PRKCE: variants seen among roughly 807,000 people sequenced by gnomAD.
PRKCE encodes protein kinase C epsilon.
PRKCE carries 16 observed loss-of-function variants against 85.4 expected under a neutral mutation model. That is an observed-to-expected ratio of 0.19 (90% CI 0.13 to 0.28). PRKCE has a LOEUF of 0.28. PRKCE is among the 10% of genes least tolerant of loss of function. The probability of loss-of-function intolerance (pLI) is 1.00; values close to 1 mark genes in which losing one functional copy is unlikely to be tolerated. For missense variants in PRKCE, 573 were observed against 975.2 expected (o/e 0.59, Z 5.49); for synonymous variants, 388 against 371.5 (o/e 1.04, Z -0.51).
rs549189399 is a variant in PRKCE, at chr2:45,717,382, C to G, written c.348+64934C>G. Reference sequence around the variant, plus strand: ...CTCTCTCTCAATCAATCATCTATCTCCCTACCCATCACCTATCTTTTTCCA... The same window carrying G: ...CTCTCTCTCAATCAATCATCTATCTGCCTACCCATCACCTATCTTTTTCCA... On this transcript the variant is annotated intron_variant, in intron 1 of 14. Transcript: ENST00000306156. Among the ~76,000 whole-genome samples, 20 of 152,342 alleles carry G rather than the reference C, an allele frequency of 1.3e-4. 1 individual carries two copies. In the South Asian group the frequency reaches 3.9e-3, roughly 30 times the overall value.
At chr2:46,050,645 C>T (rs1708796532) in intron 10 of PRKCE, among the ~76,000 whole-genome samples, 1 of 152,282 alleles carries the variant, frequency 6.6e-6, no homozygotes, top group South Asian at 2.1e-4. Flanking sequence ...CAGCACTGGC[C>T]CCTTAATGAG....
intron 10 of PRKCE, among the ~76,000 whole-genome samples, chr2:46,077,067 T>C (rs1668621821): frequency 6.6e-6 from 1 of 152,168 alleles, no homozygotes; most frequent in Non-Finnish European, 1.5e-5. Context: ...GTCCTAGTGA[T>C]TTGCTGGGCA....
chr2:46,162,646 G>A (rs985033209), intron 14 of PRKCE, among the ~76,000 whole-genome samples: 1 of 152,342 alleles, frequency 6.6e-6, no homozygotes, highest in South Asian at 2.1e-4. Flanking sequence ...ACGGAAAGCT[G>A]ACGTTGTGTA....
intron 11 of PRKCE, among the ~76,000 whole-genome samples, chr2:46,105,541 G>A (rs55883814): frequency 0.12 from 17,461 of 150,772 alleles, 1,148 homozygotes; most frequent in Middle Eastern, 0.27. Flanking sequence ...TCTGTGGCAC[G>A]TATCAAGAAA....
chr2:45,969,213 T>A (rs1277529258), intron 2 of PRKCE, among the ~76,000 whole-genome samples: 4 of 151,868 alleles, frequency 2.6e-5, no homozygotes, highest in African/African-American at 9.7e-5. Flanking sequence ...TGAATTCTTG[T>A]TACATCCCCA....
intron 10 of PRKCE, among the ~76,000 whole-genome samples, chr2:46,059,610 C>T (rs560224946): frequency 2.4e-4 from 37 of 152,230 alleles, no homozygotes; most frequent in Non-Finnish European, 4.6e-4. Flanking sequence ...ATTTGAGAGG[C>T]GGTTTATTAT....
chr2:46,122,478 T>TC (rs1381083240), intron 11 of PRKCE, among the ~76,000 whole-genome samples: 34 of 152,200 alleles, frequency 2.2e-4, no homozygotes, highest in Admixed American at 7.9e-4. Context: ...TCCATCCACC[T>TC]TGGCCTCCCA....
chr2:45,771,702 C>CATGTGTGTGT (rs544416568), intron 1 of PRKCE, among the ~76,000 whole-genome samples: 1 of 146,814 alleles, frequency 6.8e-6, no homozygotes, highest in Non-Finnish European at 1.5e-5. Flanking sequence ...CAGAGTGGGG[C>CATGTGTGTGT]GTGTGTGTGT....
At position 46,185,957 on chromosome 2, in the gene PRKCE, A is replaced by C. The variant is rs972314194; in HGVS notation, c.*1076A>C. On this transcript the variant is annotated 3_prime_UTR_variant, in exon 15 of 15. Coordinates refer to ENST00000306156, the MANE Select transcript of PRKCE (RefSeq NM_005400.3). This position sits in a 1 kb window ranked among gnomAD's most constrained non-coding sequence, Gnocchi z 4.7. ...GTGTTGTGGTTTTTAAACATTAAAC[A>C]TGTAAAGTTATATACGAAATATCTG... 4.6e-5 allele frequency: 7 copies of C among 152,364 alleles called. No homozygotes were observed. Among genetic ancestry groups the C allele is most frequent in the Non-Finnish European group, 8.8e-5 (6 of 68,038 alleles). The allele number at this position is 152,364 out of a possible 1,614,324, so 9.4% of individuals were successfully genotyped here. A position where few individuals can be genotyped will look rare whatever the true frequency, so the allele number is the denominator to read the frequency against.
chr2:45,859,399 G>GA (rs1263992569), intron 2 of PRKCE, among the ~76,000 whole-genome samples: 1 of 152,070 alleles, frequency 6.6e-6, no homozygotes. Context: ...GTAATAAGTT[G>GA]TTTTCCAAAG....
At chr2:45,684,762 T>A (rs1465931448) in intron 1 of PRKCE, among the ~76,000 whole-genome samples, 1 of 152,152 alleles carries the variant, frequency 6.6e-6, no homozygotes, top group East Asian at 1.9e-4. Flanking sequence ...GAGGTGGCAG[T>A]GCTTTCTGTG....
At chr2:45,945,972 A>T (rs73926118) in intron 2 of PRKCE, among the ~76,000 whole-genome samples, 8,908 of 152,300 alleles carry the variant, frequency 0.058, 575 homozygotes, top group East Asian at 0.31. Flanking sequence ...AAACCAAAAA[A>T]TGGGGTGGAT....
At position 46,070,661 on chromosome 2, in the gene PRKCE, A is replaced by G. The variant is rs566243248; in HGVS notation, c.1438-15547A>G. On this transcript the variant is annotated intron_variant, in intron 10 of 14. Transcript: ENST00000306156. ...CCGTCTCAAAAAAAAAACAAAAACA[A>G]AAACAAAGGTGGCATTTTATTGACA... 2.0e-5 allele frequency among the ~76,000 whole-genome samples: 3 copies of G among 152,202 alleles called. No homozygotes were observed. In the South Asian group the frequency reaches 6.2e-4, roughly 32 times the overall value.
At chr2:45,985,213 C>G (rs61756864) in intron 6 of PRKCE, among the ~76,000 whole-genome samples, 7,177 of 152,210 alleles carry the variant, frequency 0.047, 271 homozygotes, top group South Asian at 0.13. Flanking sequence ...GACTAAGCAA[C>G]TTGCTCACAT....
intron 10 of PRKCE, among the ~76,000 whole-genome samples, chr2:46,056,144 G>A (rs559393391): frequency 7.9e-4 from 120 of 152,266 alleles, no homozygotes; most frequent in African/African-American, 2.8e-3. Flanking sequence ...TATACCCAGT[G>A]AGTAGGAGCT....
chr2:46,021,100 G>C (rs935925418), intron 10 of PRKCE, among the ~76,000 whole-genome samples: 1 of 152,172 alleles, frequency 6.6e-6, no homozygotes, highest in South Asian at 2.1e-4. Context: ...TGGGGCATTG[G>C]GGGGCAGGGC....
chr2:46,067,170 G>C (rs1430737235), intron 10 of PRKCE, among the ~76,000 whole-genome samples: 1 of 152,088 alleles, frequency 6.6e-6, no homozygotes, highest in East Asian at 1.9e-4. Flanking sequence ...CTATTAATTG[G>C]CCAAGCAATG....
intron 2 of PRKCE, among the ~76,000 whole-genome samples, chr2:45,960,247 C>G (rs1164159015): frequency 2.6e-5 from 4 of 152,190 alleles, no homozygotes. Flanking sequence ...CACTTAATAA[C>G]TATGTACACC....
At chr2:46,085,649 C>T (rs573876134) in intron 10 of PRKCE, among the ~76,000 whole-genome samples, 4 of 144,926 alleles carry the variant, frequency 2.8e-5, no homozygotes, top group East Asian at 5.1e-4. Context: ...TATAAGGACA[C>T]TTATGATTGT....
Sources: gnomAD v4.1 joint callset for allele counts (sites outside exome capture counted in the v4.1 genomes callset) on GRCh38, gnomAD v4.1.1 for gene constraint, Gnocchi (gnomAD v3.1) non-coding constraint, MANE v1.5 for transcripts, NCBI Gene and HGNC (gene_info 2026-07-23, HGNC 2026-07-21) for gene names.